The following NRXN1 variants were observed in gnomAD, a reference collection of about 807,000 sequenced individuals.
The protein encoded by NRXN1 is neurexin-1.
A neutral mutation model predicts 150.9 loss-of-function variants in NRXN1; 39 were observed. The ratio of observed to expected loss-of-function variants is 0.26; its 90% CI spans 0.20 to 0.34. The LOEUF is 0.34. NRXN1 is among the 10% of genes least tolerant of loss of function. NRXN1 has a pLI of 1.00. For synonymous variants in NRXN1, 924 were observed against 757.0 expected, an observed-to-expected ratio of 1.22 and a Z score of -3.62; for missense variants, 1,815 against 1,949.9, an observed-to-expected ratio of 0.93 and a Z score of 1.30.
chr2:50,340,102 A>C (rs1333147863), intron 17 of NRXN1, among the ~76,000 whole-genome samples: 1 of 152,170 alleles, frequency 6.6e-6, no homozygotes, highest in African/African-American at 2.4e-5. Context: ...CACCTCTTTA[A>C]ATTTGTTTCC....
At chr2:50,031,001 A>G (rs1199349561) in intron 21 of NRXN1, among the ~76,000 whole-genome samples, 1 of 152,022 alleles carries the variant, frequency 6.6e-6, no homozygotes, top group East Asian at 1.9e-4. Context: ...AGAGAGGGGG[A>G]CAAAAAAGGG....
At chr2:50,812,295 TA>T (rs762824030) in intron 5 of NRXN1, among the ~76,000 whole-genome samples, 2 of 152,166 alleles carry the variant, frequency 1.3e-5, no homozygotes, top group Non-Finnish European at 2.9e-5. Context: ...GGGAATTAAA[TA>T]TTTAAATACA....
intron 2 of NRXN1, among the ~76,000 whole-genome samples, chr2:50,946,298 C>T (rs569552008): frequency 6.6e-6 from 1 of 152,184 alleles, no homozygotes; most frequent in East Asian, 1.9e-4. Flanking sequence ...AAGTTCTTGA[C>T]AAATAAGTGT....
chr2:50,563,922 G>T (rs976584637), intron 8 of NRXN1, among the ~76,000 whole-genome samples: 8 of 152,094 alleles, frequency 5.3e-5, no homozygotes, highest in Non-Finnish European at 1.0e-4. Context: ...AAACGAAACA[G>T]GAAAAGGTGG....
intron 18 of NRXN1, among the ~76,000 whole-genome samples, chr2:50,110,764 G>GATTAAATATTTTCCCCCTAGGT (rs1256147931): frequency 6.6e-6 from 1 of 152,008 alleles, no homozygotes; most frequent in Non-Finnish European, 1.5e-5. Flanking sequence ...CAACAGAACT[G>GATTAAATATTTTCCCCCTAGGT]ATTAAATATT....
intron 8 of NRXN1, among the ~76,000 whole-genome samples, chr2:50,561,110 C>G (rs1295437763): frequency 6.6e-6 from 1 of 152,164 alleles, no homozygotes; most frequent in Non-Finnish European, 1.5e-5. Flanking sequence ...AAGAAAACCC[C>G]TCCTGCTTTG....
intron 17 of NRXN1, among the ~76,000 whole-genome samples, chr2:50,339,703 C>T (rs1378841667): frequency 6.6e-6 from 1 of 152,084 alleles, no homozygotes; most frequent in Admixed American, 6.5e-5. Context: ...TTATCACTAC[C>T]TGAGCATAAC....
intron 2 of NRXN1, among the ~76,000 whole-genome samples, chr2:50,981,819 A>ATGTGTGTG (rs57306719): frequency 6.7e-6 from 1 of 149,128 alleles, no homozygotes; most frequent in South Asian, 2.1e-4. Context: ...TGAATAAACA[A>ATGTGTGTG]TGTGTGTGTG....
At chr2:49,984,425 A>C (rs888389648) in intron 21 of NRXN1, among the ~76,000 whole-genome samples, 9 of 152,178 alleles carry the variant, frequency 5.9e-5, no homozygotes, top group African/African-American at 2.2e-4. Context: ...TTTAAAAACA[A>C]ACAGAAACTT....
intron 21 of NRXN1, among the ~76,000 whole-genome samples, chr2:50,004,476 G>A (rs2216521): frequency 0.36 from 55,200 of 151,904 alleles, 10,482 homozygotes; most frequent in Admixed American, 0.48. Flanking sequence ...AGTGGTTGCT[G>A]TAGTTTTCTT....
chr2:50,920,963 A>C (rs1685947133), intron 5 of NRXN1, among the ~76,000 whole-genome samples: 1 of 151,846 alleles, frequency 6.6e-6, no homozygotes, highest in African/African-American at 2.4e-5. Context: ...ACAAACATAA[A>C]GGTGCAGAAC....
chr2:49,947,382 T>C (rs1673105753), intron 21 of NRXN1, among the ~76,000 whole-genome samples: 1 of 152,038 alleles, frequency 6.6e-6, no homozygotes, highest in Non-Finnish European at 1.5e-5. Flanking sequence ...CGTTTGGTAA[T>C]ATGTGGAAAT....
At chr2:50,169,517 A>C (rs1307066315) in intron 18 of NRXN1, among the ~76,000 whole-genome samples, 1 of 152,160 alleles carries the variant, frequency 6.6e-6, no homozygotes, top group Admixed American at 6.6e-5. Context: ...GTTCGAGACC[A>C]GTCTGGCCAA....
intron 19 of NRXN1, among the ~76,000 whole-genome samples, chr2:50,056,160 G>A (rs1270529635): frequency 6.6e-6 from 1 of 152,116 alleles, no homozygotes; most frequent in Admixed American, 6.6e-5. Flanking sequence ...TGAAAGAAAT[G>A]TTGAATGGTA....
At chr2:49,935,379 CTATTT>C (rs1397405699) in intron 22 of NRXN1, among the ~76,000 whole-genome samples, 1 of 152,148 alleles carries the variant, frequency 6.6e-6, no homozygotes, top group East Asian at 1.9e-4. Context: ...TTTCTTTCTC[CTATTT>C]TTTTTTAATG....
intron 21 of NRXN1, 126 bp from the exon 22 acceptor site, chr2:49,943,917 A>G: frequency 2.7e-6 from 2 of 746,172 alleles, no homozygotes; most frequent in Non-Finnish European, 4.8e-6. Flanking sequence ...TCCCTTTCTA[A>G]AGACACAGAG....
chr2:50,249,880 C>T (rs868386014), intron 17 of NRXN1, among the ~76,000 whole-genome samples: 3 of 152,070 alleles, frequency 2.0e-5, no homozygotes, highest in East Asian at 1.9e-4. Context: ...TCAGGTGATC[C>T]GCCCGTCTTG....
intron 2 of NRXN1, among the ~76,000 whole-genome samples, chr2:50,961,533 G>GA (rs1460374866): frequency 6.6e-6 from 1 of 151,586 alleles, no homozygotes; most frequent in African/African-American, 2.4e-5. Context: ...CAGATGCTAG[G>GA]AAAAAAACAC....
In NRXN1 at chr2:50,123,288, A is replaced by G. The variant is rs148749097; in HGVS notation, c.3547-31794T>C. 3.9e-3 allele frequency among the ~76,000 whole-genome samples: 598 copies of G among 152,240 alleles called. 1 individual carries two copies. Among genetic ancestry groups the G allele is most frequent in the Non-Finnish European group, 6.0e-3 (407 of 67,984 alleles). On this transcript the variant is annotated intron_variant, in intron 18 of 22. Transcript: ENST00000401669. ...AAGAGTGGACAGAGAAAGCCTCACT[A>G]GAAAGGTGAACTTGTAAAGATGAAA...
Sources: gnomAD v4.1 joint callset for allele counts (sites outside exome capture counted in the v4.1 genomes callset) on GRCh38, gnomAD v4.1.1 for gene constraint, MANE v1.5 for transcripts, NCBI Gene and HGNC (gene_info 2026-07-23, HGNC 2026-07-21) for gene names.